NARS2: variants seen among roughly 807,000 people sequenced by gnomAD.
NARS2 encodes asparaginyl-tRNA synthetase 2, mitochondrial.
Under a neutral mutation model 62.9 loss-of-function variants are expected in NARS2, and 60 were observed. The observed-to-expected ratio is 0.95, with a 90% confidence interval of 0.77 to 1.18. The LOEUF is 1.18. NARS2 is among the 50% of genes most tolerant of loss of function. NARS2 has a pLI of 0.00. For missense variants in NARS2, 619 were observed against 576.4 expected (o/e 1.07, Z -0.76); for synonymous variants, 196 against 200.0 (o/e 0.98, Z 0.17).
At position 78,552,144 on chromosome 11, in the gene NARS2, C is replaced by T. The variant is rs532407697; in HGVS notation, c.594+7395G>A. ...ATCTTTTCCGCTCTTCTCCCTCCTCCCATCCTCCCCCCTCAGGAAGACACC... is the reference window on the plus strand; with the variant it reads ...ATCTTTTCCGCTCTTCTCCCTCCTCTCATCCTCCCCCCTCAGGAAGACACC... On this transcript the variant is annotated intron_variant, in intron 5 of 13. Coordinates refer to ENST00000281038, the MANE Select transcript of NARS2 (RefSeq NM_024678.6). Among the ~76,000 whole-genome samples, 47 of 152,268 alleles carry T rather than the reference C, an allele frequency of 3.1e-4. No homozygotes were observed. In the South Asian group the frequency reaches 6.4e-3, roughly 21 times the overall value.
chr11:78,459,089 A>G (rs1234694193), intron 11 of NARS2, among the ~76,000 whole-genome samples: 1 of 151,622 alleles, frequency 6.6e-6, no homozygotes, highest in Non-Finnish European at 1.5e-5. Flanking sequence ...TACTTTTTGT[A>G]TTTTTAGTAA....
intron 5 of NARS2, among the ~76,000 whole-genome samples, chr11:78,549,193 T>A (rs896810885): frequency 6.6e-6 from 1 of 152,140 alleles, no homozygotes; most frequent in Non-Finnish European, 1.5e-5. Flanking sequence ...TCCTGACAGC[T>A]TTTGCCCCAG....
At chr11:78,450,666 CTTTTTTTTTTTTTTTT>C (rs781420225) in intron 11 of NARS2, among the ~76,000 whole-genome samples, 2 of 101,582 alleles carry the variant, frequency 2.0e-5, no homozygotes, top group African/African-American at 7.7e-5. Flanking sequence ...AAAGCCTTGT[CTTTTTTTTTTTTTTTT>C]TTTTTTTCCT....
chr11:78,493,307 CCA>C, intron 6 of NARS2, 112 bp from the exon 7 acceptor site: 1 of 942,200 alleles, frequency 1.1e-6, no homozygotes, highest in Non-Finnish European at 1.6e-6. Flanking sequence ...TCTGTCTTGT[CCA>C]CAGACTGACA....
At chr11:78,466,131 G>A (rs1858611077) in intron 10 of NARS2, 118 bp from the exon 11 acceptor site, 5 of 1,015,048 alleles carry the variant, frequency 4.9e-6, no homozygotes, top group Non-Finnish European at 5.7e-6. Context: ...CTCCATGTGT[G>A]GAGCTAGCTG....
At chr11:78,474,330 TTCA>T (rs770564612) in intron 9 of NARS2, among the ~76,000 whole-genome samples, 18 of 152,208 alleles carry the variant, frequency 1.2e-4, no homozygotes, top group Non-Finnish European at 2.4e-4. Flanking sequence ...TATTTAACTG[TTCA>T]TCTTTTTCTC....
intron 4 of NARS2, among the ~76,000 whole-genome samples, chr11:78,562,736 C>A (rs1481955267): frequency 6.6e-6 from 1 of 152,138 alleles, no homozygotes. Flanking sequence ...TAGTACATAA[C>A]AAGTATGTCA....
intron 5 of NARS2, among the ~76,000 whole-genome samples, chr11:78,530,711 C>CTGG (rs1861446275): frequency 6.6e-6 from 1 of 152,174 alleles, no homozygotes; most frequent in African/African-American, 2.4e-5. Context: ...AAGTGATCTG[C>CTGG]CGGCCTCAGC....
At chr11:78,564,690 T>C (rs1175561620) in intron 4 of NARS2, among the ~76,000 whole-genome samples, 1 of 152,186 alleles carries the variant, frequency 6.6e-6, no homozygotes, top group Non-Finnish European at 1.5e-5. Context: ...CAAAAAGGTA[T>C]TTTTACAATT....
rs914450615 is a variant in NARS2, at chr11:78,443,776, AT to A, written c.1165-19del. The A allele has an allele frequency of 1.3e-6, 2 of 1,524,040 alleles. No homozygotes were observed. Among genetic ancestry groups the A allele is most frequent in the Non-Finnish European group, 1.8e-6 (2 of 1,102,132 alleles). The allele number at this position is 1,524,040 out of a possible 1,614,324, so 94.4% of individuals were successfully genotyped here. A position where few individuals can be genotyped will look rare whatever the true frequency, so the allele number is the denominator to read the frequency against. ...GCAGCAACCTAAGGAAAAAAAAAAA[AT>A]TATTAGCATTATATTTTCAGGTGAT... On this transcript the variant is annotated intron_variant, in intron 11 of 13. Coordinates refer to ENST00000281038, the MANE Select transcript of NARS2 (RefSeq NM_024678.6).
chr11:78,543,655 T>C (rs1855720688), intron 5 of NARS2, among the ~76,000 whole-genome samples: 1 of 152,066 alleles, frequency 6.6e-6, no homozygotes, highest in Non-Finnish European at 1.5e-5. Flanking sequence ...TCTGGGAAAA[T>C]ACACAGCAGG....
At chr11:78,515,937 C>G (rs552072946) in intron 6 of NARS2, among the ~76,000 whole-genome samples, 2 of 152,266 alleles carry the variant, frequency 1.3e-5, no homozygotes, top group East Asian at 3.9e-4. Flanking sequence ...AGAAACCCAC[C>G]AGATAGACTT....
intron 5 of NARS2, among the ~76,000 whole-genome samples, chr11:78,529,383 AAC>A (rs1366335628): frequency 6.6e-6 from 1 of 152,262 alleles, no homozygotes. Context: ...TAATGCTTTT[AAC>A]ACAGATTTTT....
At chr11:78,494,078 G>A (rs1859950049) in intron 6 of NARS2, among the ~76,000 whole-genome samples, 4 of 152,194 alleles carry the variant, frequency 2.6e-5, no homozygotes, top group Admixed American at 2.6e-4. Flanking sequence ...AAATGTGGAG[G>A]TGAGAGATTT....
intron 6 of NARS2, among the ~76,000 whole-genome samples, chr11:78,510,743 TG>T (rs1321736254): frequency 6.6e-6 from 1 of 152,228 alleles, no homozygotes; most frequent in Non-Finnish European, 1.5e-5. Flanking sequence ...TTAATGTCAC[TG>T]AACTACATAC....
intron 5 of NARS2, among the ~76,000 whole-genome samples, chr11:78,549,026 G>A (rs1855985829): frequency 6.6e-6 from 1 of 152,206 alleles, no homozygotes; most frequent in Admixed American, 6.5e-5. Context: ...AAGAGGGGCA[G>A]CATGCAGGCA....
At chr11:78,470,670 CTATA>C (rs1401725879) in intron 9 of NARS2, among the ~76,000 whole-genome samples, 2 of 152,024 alleles carry the variant, frequency 1.3e-5, no homozygotes, top group Non-Finnish European at 2.9e-5. Context: ...TAAAACATGC[CTATA>C]TATACCTATT....
rs547864009 is a variant in NARS2 at position 78,543,509 on chromosome 11, G to A, written c.595-14573C>T. On this transcript the variant is annotated intron_variant, in intron 5 of 13. Transcript: ENST00000281038. ...CCAGACTAGCAACATGAAAGTTCAT[G>A]TTTTTTAAAAAGAAGAAACGCTACT... Among the ~76,000 whole-genome samples the A allele has an allele frequency of 5.3e-5, 8 of 152,178 alleles. No homozygotes were observed. In the South Asian group the frequency reaches 1.2e-3, roughly 24 times the overall value.
chr11:78,485,961 G>A (rs547611264), intron 7 of NARS2, among the ~76,000 whole-genome samples: 2 of 152,044 alleles, frequency 1.3e-5, no homozygotes, highest in African/African-American at 4.8e-5. Flanking sequence ...TGCAATCTCC[G>A]CCTCCCAGGT....
Sources: allele counts gnomAD v4.1 joint callset (sites outside exome capture counted in the v4.1 genomes callset), GRCh38; gene constraint gnomAD v4.1.1; transcripts MANE v1.5; gene names NCBI Gene and HGNC (gene_info 2026-07-23, HGNC 2026-07-21).